PCLO: variants seen among roughly 807,000 people sequenced by gnomAD.
PCLO encodes the protein protein piccolo.
In PCLO, 82 loss-of-function variants were observed where a neutral mutation model predicts 427.5. The ratio of observed to expected loss-of-function variants is 0.19; its 90% CI spans 0.16 to 0.23. PCLO has a LOEUF of 0.23. Ranked by LOEUF, PCLO falls within the 10% of genes least tolerant of loss-of-function variation. The pLI is 1.00. For synonymous variants in PCLO, 2,357 were observed against 2,155.4 expected, an observed-to-expected ratio of 1.09 and a Z score of -2.59; for missense variants, 6,239 against 6,115.9, an observed-to-expected ratio of 1.02 and a Z score of -0.67.
rs1259954292 is a variant in PCLO at position 83,059,371 on chromosome 7, TATATATATAA to T, written c.3300+74869_3300+74878del. On this transcript the variant is annotated intron_variant, in intron 3 of 24. Coordinates refer to ENST00000333891, the MANE Select transcript of PCLO (RefSeq NM_033026.6). ...TACACCTTTAAAATATATATATATA[TATATATATAA>T]AAATGAAAAATAAGGTGAGATCAAC... is the stretch of plus-strand genomic sequence containing the variant. 9.4e-3 allele frequency among the ~76,000 whole-genome samples: 1,135 copies of T among 120,268 alleles called. 16 individuals carry two copies. Among genetic ancestry groups the T allele is most frequent in the African/African-American group, 0.037 (1,051 of 28,650 alleles). The allele number at this position is 120,268 out of a possible 152,430, so 78.9% of individuals were successfully genotyped here.
At chr7:83,121,632 A>C (rs1300044695) in intron 3 of PCLO, among the ~76,000 whole-genome samples, 1 of 151,950 alleles carries the variant, frequency 6.6e-6, no homozygotes, top group African/African-American at 2.4e-5. Context: ...TAAGAAACTC[A>C]CTTCACCTAT....
intron 3 of PCLO, among the ~76,000 whole-genome samples, chr7:83,093,844 TG>T (rs1226636328): frequency 4.8e-4 from 55 of 114,460 alleles, no homozygotes; most frequent in African/African-American, 1.7e-3. Context: ...TTTACTGATT[TG>T]TTTTTTTTTT....
At chr7:82,809,190 T>G (rs1364061677) in intron 20 of PCLO, among the ~76,000 whole-genome samples, 1 of 151,854 alleles carries the variant, frequency 6.6e-6, no homozygotes, top group East Asian at 1.9e-4. Context: ...TCAAGACATC[T>G]AATAATTTCC....
chr7:82,835,528 C>G (rs184035071), intron 16 of PCLO, 139 bp downstream of exon 16: 40 of 633,660 alleles, frequency 6.3e-5, no homozygotes, highest in Admixed American at 5.7e-4. Flanking sequence ...TGTCGCAGTG[C>G]TGATTCAATA....
intron 10 of PCLO, among the ~76,000 whole-genome samples, chr7:82,862,017 G>T (rs991166541): frequency 6.6e-6 from 1 of 151,792 alleles, no homozygotes; most frequent in African/African-American, 2.4e-5. Flanking sequence ...GAAAAAAGTT[G>T]AAATGAAAAA....
chr7:82,772,556 T>C lies in PCLO; in HGVS notation c.15008-11063A>G, dbSNP rs539633278. ...TTGAAATAACCCAGATTCAACGAGA[T>C]ATTTTATACAATAAGGCAGGCATTC... On this transcript the variant is annotated intron_variant, in intron 22 of 24. Transcript: ENST00000333891. Among the ~76,000 whole-genome samples, 9 of 152,306 alleles carry C rather than the reference T, an allele frequency of 5.9e-5. 1 individual carries two copies. In the South Asian group the frequency reaches 1.2e-3, roughly 21 times the overall value.
chr7:82,985,353 C>T (rs1230993883), intron 3 of PCLO, among the ~76,000 whole-genome samples: 3 of 151,992 alleles, frequency 2.0e-5, no homozygotes, highest in African/African-American at 7.2e-5. Context: ...TTATTTTGGC[C>T]AAGCTTTAGA....
At chr7:83,007,048 G>A (rs1369241705) in intron 3 of PCLO, among the ~76,000 whole-genome samples, 1 of 151,372 alleles carries the variant, frequency 6.6e-6, no homozygotes, top group Non-Finnish European at 1.5e-5. Context: ...GAGAATTTTT[G>A]TTTGCTTTGT....
chr7:83,070,204 C>A (rs958670608), intron 3 of PCLO, among the ~76,000 whole-genome samples: 8 of 152,076 alleles, frequency 5.3e-5, no homozygotes, highest in Non-Finnish European at 1.0e-4. Context: ...CTTGTGCCAA[C>A]AGTAATGTCA....
intron 6 of PCLO, 35 bp downstream of exon 6, chr7:82,949,441 T>C: frequency 1.4e-6 from 2 of 1,455,138 alleles, no homozygotes; most frequent in Non-Finnish European, 1.9e-6. Flanking sequence ...TAATAACTCA[T>C]CCATTGCCTT....
chr7:82,910,395 G>C (rs1794294358), intron 7 of PCLO, among the ~76,000 whole-genome samples: 1 of 151,994 alleles, frequency 6.6e-6, no homozygotes, highest in Non-Finnish European at 1.5e-5. Flanking sequence ...CTTAACCATG[G>C]CATTTTCCTC....
rs1406109870 is a variant in PCLO, at chr7:82,827,980, AAAG to A, written c.14250-17_14250-15del. ...TTGTACTCAGCACTGAATTGGGAGA[AAAG>A]AAAGAGTTATCTTGATTATTCACCT... On this transcript the variant is annotated splice_polypyrimidine_tract_variant and intron_variant, in intron 16 of 24. Coordinates refer to ENST00000333891, the MANE Select transcript of PCLO (RefSeq NM_033026.6). The A allele has an allele frequency of 4.8e-6, 7 of 1,458,522 alleles. No homozygotes were observed. The highest frequency in any genetic ancestry group is 6.7e-6 in the Non-Finnish European group (7 of 1,042,528). The allele number at this position is 1,458,522 out of a possible 1,614,324, so 90.3% of individuals were successfully genotyped here. A position where few individuals can be genotyped will look rare whatever the true frequency, so the allele number is the denominator to read the frequency against.
chr7:82,785,132 T>G (rs1430236313), intron 22 of PCLO, among the ~76,000 whole-genome samples: 2 of 152,188 alleles, frequency 1.3e-5, no homozygotes, highest in African/African-American at 4.8e-5. Context: ...CTCAACCTTT[T>G]TGGCAGTAGA....
At chr7:82,807,343 A>T (rs1466456150) in intron 20 of PCLO, among the ~76,000 whole-genome samples, 1 of 152,260 alleles carries the variant, frequency 6.6e-6, no homozygotes, top group African/African-American at 2.4e-5. Context: ...TCCCTATCCC[A>T]TTAGGAGTTT....
intron 3 of PCLO, among the ~76,000 whole-genome samples, chr7:82,990,346 A>T (rs6976080): frequency 0.023 from 3,542 of 152,296 alleles, 145 homozygotes; most frequent in African/African-American, 0.08. Flanking sequence ...ACTAAGATCA[A>T]GGACAAGATG....
At chr7:83,063,454 C>A (rs7807130) in intron 3 of PCLO, among the ~76,000 whole-genome samples, 23,132 of 151,936 alleles carry the variant, frequency 0.15, 2,054 homozygotes, top group African/African-American at 0.24. Context: ...CCCATACAAC[C>A]CTTCTGCTTT....
At chr7:83,051,711 T>C (rs1789258860) in intron 3 of PCLO, among the ~76,000 whole-genome samples, 1 of 152,022 alleles carries the variant, frequency 6.6e-6, no homozygotes, top group African/African-American at 2.4e-5. Flanking sequence ...AATTCTAAAG[T>C]TTGTATGGAA....
chr7:83,004,984 C>CACCT (rs1340967678), intron 3 of PCLO, among the ~76,000 whole-genome samples: 1 of 151,538 alleles, frequency 6.6e-6, no homozygotes, highest in East Asian at 1.9e-4. Flanking sequence ...TATCACCTTA[C>CACCT]ACCTGTTAAG....
At position 82,953,119 on chromosome 7, in the gene PCLO, C is replaced by T; in HGVS notation, c.7834G>A (p.Asp2612Asn). The change falls in exon 5 of 25, where the codon GAT becomes AAT. Residue 2612 changes from aspartate to asparagine, a missense_variant. Transcript: ENST00000333891. ...AACACAGGTTCAACAGAAACCAGAT[C>T]TTTGGAGGGTGATCCCAAGGGCCAA... ...TSWPLGSPSK[D>N]LVSVEPVFSV... 2 of 1,613,922 alleles carry T rather than the reference C, an allele frequency of 1.2e-6. No individual in the cohort carries two copies. The highest frequency in any genetic ancestry group is 1.7e-6 in the Non-Finnish European group (2 of 1,179,848).
Sources: allele counts gnomAD v4.1 joint callset (sites outside exome capture counted in the v4.1 genomes callset), GRCh38; gene constraint gnomAD v4.1.1; transcripts MANE v1.5; gene names NCBI Gene and HGNC (gene_info 2026-07-23, HGNC 2026-07-21).